RNF115: variants seen among roughly 807,000 people sequenced by gnomAD.
RNF115 encodes ring finger protein 115, also known as E3 ubiquitin-protein ligase RNF115.
A neutral mutation model predicts 39.2 loss-of-function variants in RNF115; 31 were observed. The ratio of observed to expected loss-of-function variants is 0.79; its 90% CI spans 0.59 to 1.07. The LOEUF (loss-of-function observed/expected upper bound fraction) is 1.07. RNF115 is among the 50% of genes least tolerant of loss of function. The pLI, the probability that RNF115 is intolerant of heterozygous loss-of-function variation, is 0.00. For synonymous variants in RNF115, 124 were observed against 131.0 expected (o/e 0.95, Z 0.37); for missense variants, 384 against 381.7 (o/e 1.01, Z -0.05).
chr1:145,809,049 TG>T (rs1553722079), intron 1 of RNF115, among the ~76,000 whole-genome samples: 1 of 152,192 alleles, frequency 6.6e-6, no homozygotes, highest in East Asian at 1.9e-4. Flanking sequence ...AGCTCTCATA[TG>T]CAGAAATAAA....
rs1173556451 is a variant in RNF115, at chr1:145,744,298, AT to A, written c.*2567del. On this transcript the variant is annotated 3_prime_UTR_variant, in exon 9 of 9. Transcript: ENST00000582693. ...CCATCTAAGTAGTGGCCAAATATTCATAATACACCTCTAATTTCCTTCCATC... is the reference window on the plus strand; with the variant it reads ...CCATCTAAGTAGTGGCCAAATATTCAAATACACCTCTAATTTCCTTCCATC... The A allele has an allele frequency of 1.3e-5, 2 of 152,296 alleles. No homozygotes were observed. The highest frequency in any genetic ancestry group is 2.9e-5 in the Non-Finnish European group (2 of 68,046). The allele number at this position is 152,296 out of a possible 1,614,324, so 9.4% of individuals were successfully genotyped here.
chr1:145,768,888 G>T (rs1647509329), intron 4 of RNF115, among the ~76,000 whole-genome samples: 1 of 152,168 alleles, frequency 6.6e-6, no homozygotes, highest in Non-Finnish European at 1.5e-5. Flanking sequence ...TGCTAGCTGG[G>T]TATAGTAATA....
intron 7 of RNF115, 122 bp downstream of exon 7, chr1:145,750,285 T>A: frequency 1.3e-6 from 1 of 797,598 alleles, no homozygotes; most frequent in Non-Finnish European, 2.0e-6. Flanking sequence ...GTATTGGGAT[T>A]TTTTTTCTTA....
At chr1:145,767,780 G>A (rs956637730) in intron 4 of RNF115, among the ~76,000 whole-genome samples, 2 of 152,378 alleles carry the variant, frequency 1.3e-5, no homozygotes, top group Non-Finnish European at 1.5e-5. Flanking sequence ...AGACCAGCCC[G>A]GCCAACACAG....
intron 1 of RNF115, among the ~76,000 whole-genome samples, chr1:145,797,037 A>G (rs587691087): frequency 1.3e-5 from 2 of 152,262 alleles, no homozygotes; most frequent in South Asian, 2.1e-4. Flanking sequence ...CTCCCAGATG[A>G]TATCAAGGAA....
intron 4 of RNF115, among the ~76,000 whole-genome samples, chr1:145,769,067 G>A (rs1168079757): frequency 6.6e-6 from 1 of 151,776 alleles, no homozygotes. Context: ...TAAGTGAGAA[G>A]GCTACTTAAT....
chr1:145,795,115 C>T (rs909576644), intron 1 of RNF115, among the ~76,000 whole-genome samples: 3 of 151,784 alleles, frequency 2.0e-5, no homozygotes, highest in Non-Finnish European at 2.9e-5. Context: ...TTCGTGGTCT[C>T]GCTGACTTCA....
chr1:145,787,602 T>C (rs587661848), intron 2 of RNF115, among the ~76,000 whole-genome samples: 21 of 146,978 alleles, frequency 1.4e-4, no homozygotes, highest in African/African-American at 5.3e-4. Context: ...GAAAAAGATT[T>C]TAGGTTGGGC....
intron 2 of RNF115, among the ~76,000 whole-genome samples, chr1:145,786,386 A>G (rs587677242): frequency 6.6e-6 from 1 of 152,328 alleles, no homozygotes; most frequent in Admixed American, 6.5e-5. Context: ...AGAAGGAAAT[A>G]TCATACTGCC....
Position 145,824,023 on chromosome 1 carries a change from C to T in RNF115, c.-150G>A. 2 of 542,818 alleles carry T rather than the reference C, an allele frequency of 3.7e-6. No individual in the cohort carries two copies. The highest frequency in any genetic ancestry group is 2.9e-5 in the South Asian group (1 of 34,302). 33.6% of individuals were successfully genotyped at this position (542,818 alleles called of 1,614,324 possible). On this transcript the variant is annotated 5_prime_UTR_variant, in exon 1 of 9. Coordinates refer to ENST00000582693, the MANE Select transcript of RNF115 (RefSeq NM_014455.4). Reference sequence around the variant, plus strand: ...GTCGGTCACGTGAGTTGGCCAGGCCCAGAAACGCGGCGGCGCCAACAGCTA... The same window carrying T: ...GTCGGTCACGTGAGTTGGCCAGGCCTAGAAACGCGGCGGCGCCAACAGCTA...
Position 145,809,309 on chromosome 1 carries a change from C to T in RNF115, c.102+14463G>A, listed in dbSNP as rs1341642352. ...TCAAGTGGTTATCCTCCCTCAGCCT[C>T]CCAAGTAGCTGGGATTACAGGCATG... On this transcript the variant is annotated intron_variant, in intron 1 of 8. Transcript: ENST00000582693. Among the ~76,000 whole-genome samples the T allele has an allele frequency of 4.0e-5, 6 of 151,620 alleles. No individual in the cohort carries two copies. The East Asian group carries it at 1.2e-3, about 29-fold the overall frequency.
intron 5 of RNF115, among the ~76,000 whole-genome samples, chr1:145,751,947 T>C: frequency 6.6e-6 from 1 of 152,278 alleles, no homozygotes; most frequent in East Asian, 1.9e-4. Context: ...TGAGGAGCTT[T>C]CAAGTAGAGA....
At chr1:145,774,580 A>AC (rs2101538134) in intron 3 of RNF115, among the ~76,000 whole-genome samples, 1 of 152,102 alleles carries the variant, frequency 6.6e-6, no homozygotes, top group Admixed American at 6.5e-5. Context: ...CAAACTCCTG[A>AC]CCTCAAGTGA....
intron 2 of RNF115, among the ~76,000 whole-genome samples, chr1:145,786,724 T>A (rs1336830452): frequency 6.6e-6 from 1 of 152,244 alleles, no homozygotes; most frequent in Non-Finnish European, 1.5e-5. Context: ...AACCAATATA[T>A]CTTTTAATTA....
At chr1:145,812,259 A>G (rs1331693781) in intron 1 of RNF115, among the ~76,000 whole-genome samples, 1 of 150,282 alleles carries the variant, frequency 6.7e-6, no homozygotes, top group Non-Finnish European at 1.5e-5. Flanking sequence ...GTGAGTGGCA[A>G]GGAGGTAAAC....
intron 1 of RNF115, among the ~76,000 whole-genome samples, chr1:145,800,804 G>T (rs1484748045): frequency 1.3e-5 from 2 of 152,196 alleles, no homozygotes; most frequent in African/African-American, 4.8e-5. Context: ...ATAAGTTATT[G>T]TATTAAGCCA....
chr1:145,779,632 A>G (rs989914398), intron 3 of RNF115, among the ~76,000 whole-genome samples: 10 of 152,188 alleles, frequency 6.6e-5, no homozygotes, highest in Non-Finnish European at 8.8e-5. Flanking sequence ...TAAAAAATGC[A>G]TAAAGCTATA....
At chr1:145,776,164 A>ATTT (rs35710154) in intron 3 of RNF115, among the ~76,000 whole-genome samples, 1,451 of 121,744 alleles carry the variant, frequency 0.012, 64 homozygotes, top group African/African-American at 0.02. Flanking sequence ...TCTGACCAAC[A>ATTT]TTTTTTTTTT....
chr1:145,776,012 AAAAAT>A (rs1228928010), intron 3 of RNF115, among the ~76,000 whole-genome samples: 67 of 151,704 alleles, frequency 4.4e-4, no homozygotes, highest in African/African-American at 1.6e-3. Flanking sequence ...AAATAAAAAT[AAAAAT>A]AAAAATAAAT....
Sources: gnomAD v4.1 joint callset for allele counts (sites outside exome capture counted in the v4.1 genomes callset) on GRCh38, gnomAD v4.1.1 for gene constraint, MANE v1.5 for transcripts, NCBI Gene and HGNC (gene_info 2026-07-23, HGNC 2026-07-21) for gene names.